The following CTDSPL2 variants were observed in gnomAD, a reference collection of about 807,000 sequenced individuals.
The protein encoded by CTDSPL2 is CTD small phosphatase like 2, also known as CTD small phosphatase-like protein 2.
Under a neutral mutation model 60.0 loss-of-function variants are expected in CTDSPL2, and 5 were observed. That is an observed-to-expected ratio of 0.08 (90% CI 0.04 to 0.18). The LOEUF (loss-of-function observed/expected upper bound fraction) is 0.18, where lower values mean the gene tolerates loss of function less well. CTDSPL2 is among the 10% of genes least tolerant of loss of function. The probability of loss-of-function intolerance (pLI) is 1.00; values close to 1 mark genes in which losing one functional copy is unlikely to be tolerated. For missense variants in CTDSPL2, 370 were observed against 548.8 expected (o/e 0.67, Z 3.26); for synonymous variants, 186 against 189.3 (o/e 0.98, Z 0.14).
At chr15:44,447,061 T>G (rs1272324401) in intron 1 of CTDSPL2, among the ~76,000 whole-genome samples, 1 of 152,184 alleles carries the variant, frequency 6.6e-6, no homozygotes, top group Non-Finnish European at 1.5e-5. Context: ...TATATTATTT[T>G]CACATTGCAA....
intron 8 of CTDSPL2, among the ~76,000 whole-genome samples, chr15:44,507,787 C>T (rs190969309): frequency 3.0e-4 from 45 of 152,348 alleles, no homozygotes; most frequent in African/African-American, 1.0e-3. Context: ...ATCATACTCA[C>T]TCCAGCTCTT....
At chr15:44,484,074 G>C (rs2081076956) in intron 2 of CTDSPL2, 150 bp from the exon 3 acceptor site, 1 of 629,414 alleles carries the variant, frequency 1.6e-6, no homozygotes, top group Non-Finnish European at 2.7e-6. Context: ...AATTTTTTCT[G>C]TGTTGATATT....
rs761548807 is a variant in CTDSPL2 at position 44,524,220 on chromosome 15, C to G, written c.*46C>G. On this transcript the variant is annotated 3_prime_UTR_variant, in exon 13 of 13. Coordinates refer to ENST00000260327, the MANE Select transcript of CTDSPL2 (RefSeq NM_016396.3). Reference sequence around the variant, plus strand: ...ACTGAAGGGGGAGAGAATGCAGGACCCTTTTGGACTAAGACAAAAACATTG... The same window carrying G: ...ACTGAAGGGGGAGAGAATGCAGGACGCTTTTGGACTAAGACAAAAACATTG... 2.7e-6 allele frequency: 4 copies of G among 1,495,882 alleles called. No individual in the cohort carries two copies. The highest frequency in any genetic ancestry group is 4.5e-5 in the East Asian group (2 of 44,328). The allele number at this position is 1,495,882 out of a possible 1,614,324, so 92.7% of individuals were successfully genotyped here.
chr15:44,452,810 A>T (rs955330097), intron 1 of CTDSPL2, among the ~76,000 whole-genome samples: 1 of 152,030 alleles, frequency 6.6e-6, no homozygotes, highest in Non-Finnish European at 1.5e-5. Context: ...ATCATTTTTT[A>T]TGCTATCACC....
chr15:44,459,140 G>T lies in CTDSPL2; in HGVS notation c.126G>T (p.Ser42=). 6.2e-7 allele frequency: 1 copy of T among 1,612,672 alleles called. No homozygotes were observed. The highest frequency in any genetic ancestry group is 8.5e-7 in the Non-Finnish European group (1 of 1,179,362). Residue 42 remains serine (S), a synonymous_variant, in exon 2 of 13, where the codon TCG becomes TCT. Transcript: ENST00000260327. ...DSLPSGGEKP[S]KNETGLLSSI... ...TGCCTTCAGGAGGAGAAAAACCATCGAAGAATGAAACCGGCTTGTTGTCTT... is the reference window on the plus strand; with the variant it reads ...TGCCTTCAGGAGGAGAAAAACCATCTAAGAATGAAACCGGCTTGTTGTCTT...
intron 1 of CTDSPL2, among the ~76,000 whole-genome samples, chr15:44,451,683 C>T (rs2080337399): frequency 1.3e-5 from 2 of 151,954 alleles, no homozygotes; most frequent in African/African-American, 2.4e-5. Flanking sequence ...ATATTGTAGC[C>T]ACTCTGATTC....
In CTDSPL2 at chr15:44,500,132, C is replaced by T. The variant is rs192330821; in HGVS notation, c.969+319C>T. 1.6e-4 allele frequency among the ~76,000 whole-genome samples: 25 copies of T among 152,292 alleles called. No individual in the cohort carries two copies. The East Asian group carries it at 4.4e-3, about 27-fold the overall frequency. On this transcript the variant is annotated intron_variant, in intron 8 of 12. Transcript: ENST00000260327. ...CAAGAGGAACTTGCCAGGTTAACTCCTGGTGTTTTTGTTTTTGTTTTCCAA... is the reference window on the plus strand; with the variant it reads ...CAAGAGGAACTTGCCAGGTTAACTCTTGGTGTTTTTGTTTTTGTTTTCCAA...
chr15:44,455,375 G>A (rs1175752008), intron 1 of CTDSPL2, among the ~76,000 whole-genome samples: 15 of 152,024 alleles, frequency 9.9e-5, no homozygotes, highest in Non-Finnish European at 1.6e-4. Context: ...AACAGGGACA[G>A]TTTGACTTCC....
At position 44,496,090 on chromosome 15, in the gene CTDSPL2, A is replaced by T. The variant is rs867816; in HGVS notation, c.692-290A>T. On this transcript the variant is annotated intron_variant, in intron 5 of 12. Transcript: ENST00000260327. ...AAACACCATACAATTAGAAGATTAC[A>T]TTTTTTGGTGTATATTTTTCTAGTA... is the stretch of plus-strand genomic sequence containing the variant. Among the ~76,000 whole-genome samples the T allele has an allele frequency of 3.9e-5, 6 of 152,188 alleles. No homozygotes were observed. In the East Asian group the frequency reaches 9.6e-4, roughly 24 times the overall value.
chr15:44,489,480 G>A lies in CTDSPL2; in HGVS notation c.476-1304G>A, dbSNP rs1271364716. On this transcript the variant is annotated intron_variant, in intron 4 of 12. Transcript: ENST00000260327. ...AGTTTGAAGATCACATATAATGGGA[G>A]TATGAGATATATAATTTGAGGGTTA... 2.0e-5 allele frequency among the ~76,000 whole-genome samples: 3 copies of A among 152,286 alleles called. No homozygotes were observed. In the East Asian group the frequency reaches 5.8e-4, roughly 29 times the overall value.
At chr15:44,510,384 G>T (rs548759725) in intron 8 of CTDSPL2, among the ~76,000 whole-genome samples, 1 of 152,222 alleles carries the variant, frequency 6.6e-6, no homozygotes, top group African/African-American at 2.4e-5. Context: ...GTATCTTCAA[G>T]TAGTAGTCAA....
intron 1 of CTDSPL2, among the ~76,000 whole-genome samples, chr15:44,457,306 A>G (rs1277864961): frequency 6.6e-6 from 1 of 152,228 alleles, no homozygotes; most frequent in Admixed American, 6.5e-5. Flanking sequence ...CAGTGGACAT[A>G]GTGAGATCTT....
chr15:44,440,915 G>T (rs1333414358), intron 1 of CTDSPL2, among the ~76,000 whole-genome samples: 1 of 152,040 alleles, frequency 6.6e-6, no homozygotes, highest in Non-Finnish European at 1.5e-5. Context: ...CCTTAAGTGC[G>T]CCATTGGCTT....
chr15:44,489,738 T>C (rs2140801925), intron 4 of CTDSPL2, among the ~76,000 whole-genome samples: 1 of 152,314 alleles, frequency 6.6e-6, no homozygotes, highest in South Asian at 2.1e-4. Context: ...AGCAGTAAAC[T>C]AGTAGCTATG....
chr15:44,438,781 A>C (rs970058088), intron 1 of CTDSPL2, among the ~76,000 whole-genome samples: 1 of 152,146 alleles, frequency 6.6e-6, no homozygotes, highest in Admixed American at 6.6e-5. Flanking sequence ...TGCAGTTTAT[A>C]ATGAACATTT....
intron 8 of CTDSPL2, among the ~76,000 whole-genome samples, chr15:44,512,032 CA>C (rs199648406): frequency 2.0e-5 from 3 of 150,268 alleles, no homozygotes; most frequent in Admixed American, 6.7e-5. Context: ...CCATCTCTAC[CA>C]AAAAAAAATT....
At chr15:44,502,801 T>C (rs1376270839) in intron 8 of CTDSPL2, among the ~76,000 whole-genome samples, 3 of 152,220 alleles carry the variant, frequency 2.0e-5, no homozygotes, top group African/African-American at 7.2e-5. Context: ...AGTAATCTGG[T>C]TGTGGGCCTT....
chr15:44,522,562 G>A (rs1193823692), intron 12 of CTDSPL2, among the ~76,000 whole-genome samples: 2 of 151,998 alleles, frequency 1.3e-5, no homozygotes, highest in Non-Finnish European at 2.9e-5. Flanking sequence ...AGACCAGCCT[G>A]GCCAACATGG....
chr15:44,436,731 A>G (rs1005452117), intron 1 of CTDSPL2, among the ~76,000 whole-genome samples: 1 of 152,246 alleles, frequency 6.6e-6, no homozygotes, highest in Non-Finnish European at 1.5e-5. Context: ...GTAAATATAC[A>G]TAAAGTTTTA....
Sources: allele counts gnomAD v4.1 joint callset (sites outside exome capture counted in the v4.1 genomes callset), GRCh38; gene constraint gnomAD v4.1.1; transcripts MANE v1.5; gene names NCBI Gene and HGNC (gene_info 2026-07-23, HGNC 2026-07-21).